Variants in SLC35F4 observed in about 807,000 individuals in gnomAD.
SLC35F4 encodes the protein chromosome 14 open reading frame 36.
A neutral mutation model predicts 44.2 loss-of-function variants in SLC35F4; 24 were observed. The ratio of observed to expected loss-of-function variants is 0.54; its 90% confidence interval spans 0.39 to 0.76. The LOEUF is 0.76. SLC35F4 is among the 30% of genes least tolerant of loss of function. The probability of loss-of-function intolerance (pLI) is 0.00; values close to 1 mark genes in which losing one functional copy is unlikely to be tolerated. For missense variants in SLC35F4, 562 were observed against 586.1 expected, an observed-to-expected ratio of 0.96 and a Z score of 0.42; for synonymous variants, 238 against 223.6, an observed-to-expected ratio of 1.06 and a Z score of -0.57.
intron 1 of SLC35F4, among the ~76,000 whole-genome samples, chr14:57,861,446 C>T (rs1325004265): frequency 2.0e-5 from 3 of 152,148 alleles, no homozygotes; most frequent in African/African-American, 7.2e-5. Context: ...CAGACTTGCT[C>T]TTATTTCTCC....
rs913665850 is a variant in SLC35F4, at chr14:57,721,985, T to C, written c.104-127861A>G. Among the ~76,000 whole-genome samples, 89 of 120,960 alleles carry C rather than the reference T, an allele frequency of 7.4e-4. 1 individual carries two copies. The highest frequency in any genetic ancestry group is 2.5e-3 in the African/African-American group (81 of 32,966). 79.4% of individuals were successfully genotyped at this position (120,960 alleles called of 152,430 possible). Reference sequence around the variant, plus strand: ...ACACTCCTGTTTTCTTCCAGATCTATAACTAAAGTCCTTGTGGGCCTCCAG... The same window carrying C: ...ACACTCCTGTTTTCTTCCAGATCTACAACTAAAGTCCTTGTGGGCCTCCAG... On this transcript the variant is annotated intron_variant, in intron 1 of 7. Transcript: ENST00000556826.
chr14:57,821,356 C>T (rs1883158807), intron 1 of SLC35F4, among the ~76,000 whole-genome samples: 1 of 152,224 alleles, frequency 6.6e-6, no homozygotes, highest in Admixed American at 6.5e-5. Context: ...ATAATGATTA[C>T]AGCTTCATGT....
At chr14:57,954,046 A>T (rs1210551234) in intron 1 of SLC35F4, among the ~76,000 whole-genome samples, 1 of 152,238 alleles carries the variant, frequency 6.6e-6, no homozygotes, top group African/African-American at 2.4e-5. Flanking sequence ...TCCTCAGCAA[A>T]TGCAAAGGAA....
chr14:57,909,280 A>G (rs955175467), intron 1 of SLC35F4, among the ~76,000 whole-genome samples: 3 of 152,238 alleles, frequency 2.0e-5, no homozygotes, highest in East Asian at 1.9e-4. Flanking sequence ...CTATGTTGAC[A>G]TATTTTTATA....
intron 1 of SLC35F4, among the ~76,000 whole-genome samples, chr14:57,883,084 G>A (rs1444250385): frequency 6.6e-6 from 1 of 151,982 alleles, no homozygotes; most frequent in Non-Finnish European, 1.5e-5. Context: ...AGGAGGAGGA[G>A]AAACAGCAGC....
chr14:57,710,969 A>G (rs1157826388), intron 1 of SLC35F4, among the ~76,000 whole-genome samples: 1 of 152,126 alleles, frequency 6.6e-6, no homozygotes, highest in Non-Finnish European at 1.5e-5. Flanking sequence ...ACTGTTGGGA[A>G]GGCATGATTG....
chr14:57,691,842 G>A (rs2075241785), intron 1 of SLC35F4, among the ~76,000 whole-genome samples: 1 of 152,120 alleles, frequency 6.6e-6, no homozygotes, highest in South Asian at 2.1e-4. Context: ...GATGAACAAT[G>A]CTACGGGGGT....
chr14:57,676,586 T>C (rs1010247739), intron 1 of SLC35F4, among the ~76,000 whole-genome samples: 3 of 151,974 alleles, frequency 2.0e-5, no homozygotes, highest in Admixed American at 6.6e-5. Flanking sequence ...AATTAATTTT[T>C]TTAAAAAGTA....
intron 1 of SLC35F4, among the ~76,000 whole-genome samples, chr14:57,932,363 A>C (rs1889713997): frequency 6.6e-6 from 1 of 152,234 alleles, no homozygotes; most frequent in African/African-American, 2.4e-5. Context: ...AGATAGTGTG[A>C]CCAAATGTTC....
intron 1 of SLC35F4, among the ~76,000 whole-genome samples, chr14:57,938,249 G>T (rs1299037975): frequency 6.6e-6 from 1 of 151,984 alleles, no homozygotes; most frequent in Non-Finnish European, 1.5e-5. Context: ...CCAAAGACAG[G>T]CAGCAAGGAG....
Position 57,756,817 on chromosome 14 carries a change from C to A in SLC35F4, c.103+108906G>T, listed in dbSNP as rs1010895613. Among the ~76,000 whole-genome samples, 14 of 146,774 alleles carry A rather than the reference C, an allele frequency of 9.5e-5. No homozygotes were observed. In the East Asian group the frequency reaches 2.4e-3, roughly 25 times the overall value. ...CCGCAGGCATGCACCACCAAATCTG[C>A]CTAATTTTTTTTTTTTTAATTTTTT... On this transcript the variant is annotated intron_variant, in intron 1 of 7. Coordinates refer to ENST00000556826, the MANE Select transcript of SLC35F4 (RefSeq NM_001306087.2).
At position 57,763,798 on chromosome 14, in the gene SLC35F4, A is replaced by C. The variant is rs58960144; in HGVS notation, c.103+101925T>G. 0.023 allele frequency among the ~76,000 whole-genome samples: 3,476 copies of C among 152,256 alleles called. 271 individuals carry two copies. In the East Asian group the frequency reaches 0.32, roughly 14 times the overall value. On this transcript the variant is annotated intron_variant, in intron 1 of 7. Coordinates refer to ENST00000556826, the MANE Select transcript of SLC35F4 (RefSeq NM_001306087.2). ...AAAGATAGATCCAGTGATATTTCTC[A>C]TCGCATTTACTGCTTTAGAATGTGA...
At chr14:57,698,323 T>C (rs2075441241) in intron 1 of SLC35F4, among the ~76,000 whole-genome samples, 1 of 152,220 alleles carries the variant, frequency 6.6e-6, no homozygotes, top group South Asian at 2.1e-4. Context: ...CTTACGATTA[T>C]ATTCTCCCTT....
At chr14:57,593,805 G>A (rs558533642) in intron 2 of SLC35F4, 134 bp downstream of exon 2, 14 of 927,432 alleles carry the variant, frequency 1.5e-5, no homozygotes, top group African/African-American at 6.7e-5. Context: ...CTTATCCTCC[G>A]GCTTGATAAA....
intron 1 of SLC35F4, chr14:57,596,380 A>C: frequency 4.1e-6 from 1 of 246,062 alleles, no homozygotes; most frequent in Non-Finnish European, 8.0e-6. Flanking sequence ...TTGTACAGCT[A>C]TGTTTCTAAT....
chr14:57,851,472 A>G (rs1200279899), intron 1 of SLC35F4, among the ~76,000 whole-genome samples: 1 of 152,198 alleles, frequency 6.6e-6, no homozygotes, highest in East Asian at 1.9e-4. Context: ...GCTAGAAACC[A>G]CTGTTATACA....
At chr14:57,668,655 A>G (rs1344157930) in intron 1 of SLC35F4, among the ~76,000 whole-genome samples, 1 of 151,922 alleles carries the variant, frequency 6.6e-6, no homozygotes, top group East Asian at 1.9e-4. Context: ...ATGTGGCATT[A>G]TTTCTGAGGG....
chr14:57,573,809 T>G (rs1327032249), intron 4 of SLC35F4, among the ~76,000 whole-genome samples: 2 of 152,232 alleles, frequency 1.3e-5, no homozygotes, highest in East Asian at 3.8e-4. Context: ...ATTTCCTTCA[T>G]AAGACTGAAC....
At chr14:57,847,165 G>A (rs943820956) in intron 1 of SLC35F4, among the ~76,000 whole-genome samples, 2 of 152,236 alleles carry the variant, frequency 1.3e-5, no homozygotes, top group Non-Finnish European at 2.9e-5. Flanking sequence ...TAAAGAACCA[G>A]ATAGTTTGAG....
Sources: allele counts gnomAD v4.1 joint callset (sites outside exome capture counted in the v4.1 genomes callset), GRCh38; gene constraint gnomAD v4.1.1; transcripts MANE v1.5; gene names NCBI Gene and HGNC (gene_info 2026-07-23, HGNC 2026-07-21).